BCR: variants seen among roughly 807,000 people sequenced by gnomAD.
The protein encoded by BCR is breakpoint cluster region protein.
BCR carries 58 observed loss-of-function variants against 138.6 expected under a neutral mutation model. The ratio of observed to expected loss-of-function variants is 0.42; its 90% CI spans 0.34 to 0.52. BCR has a LOEUF of 0.52. Among genes scored for constraint, BCR ranks in the 20% least tolerant of loss-of-function variants. The probability of loss-of-function intolerance (pLI) is 0.06; values close to 1 mark genes in which losing one functional copy is unlikely to be tolerated. For synonymous variants in BCR, 786 were observed against 730.1 expected, an observed-to-expected ratio of 1.08 and a Z score of -1.23; for missense variants, 1,599 against 1,727.2, an observed-to-expected ratio of 0.93 and a Z score of 1.32.
chr22:23,194,986 CT>C lies in BCR; in HGVS notation c.1279+12755del, dbSNP rs967700042. Among the ~76,000 whole-genome samples the C allele has an allele frequency of 2.0e-5, 3 of 151,452 alleles. No homozygotes were observed. In the East Asian group the frequency reaches 5.9e-4, roughly 30 times the overall value. ...AAATAAATACACATAAAAACCATTGCTTTTTTTTGGCCGGGAGTGGTGGCTC... is the reference window on the plus strand; with the variant it reads ...AAATAAATACACATAAAAACCATTGCTTTTTTTGGCCGGGAGTGGTGGCTC... On this transcript the variant is annotated intron_variant, in intron 1 of 22. Transcript: ENST00000305877.
Position 23,273,239 on chromosome 22 carries a change from G to T in BCR, c.1974+106G>T. ...TTAGTTGTCATAGCTGCAGCCAAGG[G>T]GGTGCTACTGGCATCTAATGGGTAG... On this transcript the variant is annotated intron_variant, in intron 7 of 22. Transcript: ENST00000305877. 1.1e-5 allele frequency: 14 copies of T among 1,264,148 alleles called. No homozygotes were observed. The South Asian group carries it at 1.7e-4, about 15-fold the overall frequency. The allele number at this position is 1,264,148 out of a possible 1,614,324, so 78.3% of individuals were successfully genotyped here.
chr22:23,263,990 T>C (rs1387047696), intron 4 of BCR: 1 of 891,472 alleles, frequency 1.1e-6, no homozygotes, highest in Non-Finnish European at 1.9e-6. Flanking sequence ...ACAGAGACTT[T>C]CCCCCAAGGG....
intron 12 of BCR, among the ~76,000 whole-genome samples, chr22:23,288,655 T>C (rs1473863141): frequency 6.6e-6 from 1 of 152,222 alleles, no homozygotes; most frequent in Non-Finnish European, 1.5e-5. Flanking sequence ...GGCCTTTGGC[T>C]GGGCCCACTT....
chr22:23,225,435 G>A (rs982589606), intron 1 of BCR, among the ~76,000 whole-genome samples: 3 of 152,244 alleles, frequency 2.0e-5, no homozygotes, highest in East Asian at 1.9e-4. Context: ...AGGCGAGACC[G>A]CTGGCTGGAG....
At chr22:23,266,658 A>G (rs899844684) in intron 4 of BCR, among the ~76,000 whole-genome samples, 1 of 152,176 alleles carries the variant, frequency 6.6e-6, no homozygotes, top group African/African-American at 2.4e-5. Context: ...CCAAAGTGCT[A>G]GGATTACAGG....
chr22:23,181,267 G>T lies in BCR; in HGVS notation c.307G>T (p.Asp103Tyr), dbSNP rs754213547. The change falls in exon 1 of 23, where the codon GAC (aspartate) becomes TAC (tyrosine). Residue 103 changes from aspartate (D) to tyrosine (Y), a missense_variant. Physicochemically the swap from Asp to Tyr is radical, Grantham distance 160. Around this residue, in one of 4 missense-constraint regions of BCR, gnomAD observed 806 missense variants for 635.0 expected, o/e 1.27. Coordinates refer to ENST00000305877, the MANE Select transcript of BCR (RefSeq NM_004327.4). ...SASRPQPAPA[D>Y]GADPPPAEEP... is the part of the protein sequence containing the mutation. Reference sequence around the variant, plus strand: ...GTCGCGCCCGCAGCCAGCGCCCGCCGACGGAGCCGACCCGCCGCCCGCCGA... The same window carrying T: ...GTCGCGCCCGCAGCCAGCGCCCGCCTACGGAGCCGACCCGCCGCCCGCCGA... 4 of 1,260,466 alleles carry T rather than the reference G, an allele frequency of 3.2e-6. No homozygotes were observed. In the South Asian group the frequency reaches 1.3e-4, roughly 40 times the overall value. 78.1% of individuals were successfully genotyped at this position (1,260,466 alleles called of 1,614,324 possible). A position where few individuals can be genotyped will look rare whatever the true frequency, so the allele number is the denominator to read the frequency against.
intron 1 of BCR, among the ~76,000 whole-genome samples, chr22:23,222,172 G>C (rs1302575366): frequency 6.6e-6 from 1 of 152,204 alleles, no homozygotes; most frequent in Non-Finnish European, 1.5e-5. Context: ...TGTGGAGCAA[G>C]TTTCCTGCAG....
chr22:23,276,737 G>C (rs2073581756), intron 8 of BCR, among the ~76,000 whole-genome samples: 2 of 152,226 alleles, frequency 1.3e-5, no homozygotes, highest in South Asian at 4.1e-4. Flanking sequence ...TCCAAGCCTG[G>C]ACATCCACCT....
At chr22:23,266,904 G>A (rs1343691377) in intron 4 of BCR, among the ~76,000 whole-genome samples, 1 of 152,198 alleles carries the variant, frequency 6.6e-6, no homozygotes, top group Admixed American at 6.5e-5. Flanking sequence ...GCAGGAGGGA[G>A]GAGAAGTCTT....
intron 8 of BCR, among the ~76,000 whole-genome samples, chr22:23,281,198 G>A (rs969391300): frequency 2.6e-5 from 4 of 152,240 alleles, no homozygotes; most frequent in Non-Finnish European, 4.4e-5. Flanking sequence ...GGGAGCCAAA[G>A]TGTGGTACCG....
Position 23,284,053 on chromosome 22 carries a change from TCACCGACCTGCTTCTCTG to T in BCR, c.2197_2214del (p.Asp733_Thr738del), listed in dbSNP as rs1235070172. On this transcript the variant is annotated inframe_deletion, in exon 9 of 23. Coordinates refer to ENST00000305877, the MANE Select transcript of BCR (RefSeq NM_004327.4). ...CGCAAGCTGCGCCACGTCTTCCTGT[TCACCGACCTGCTTCTCTG>T]CACCAAGCTCAAGAAGCAGAGCGGA... The T allele has an allele frequency of 6.2e-7, 1 of 1,610,528 alleles. No individual in the cohort carries two copies. The highest frequency in any genetic ancestry group is 8.5e-7 in the Non-Finnish European group (1 of 1,178,630).
chr22:23,258,699 TA>T (rs2073323360), intron 2 of BCR, among the ~76,000 whole-genome samples: 1 of 151,992 alleles, frequency 6.6e-6, no homozygotes, highest in South Asian at 2.1e-4. Context: ...ATACGATAGG[TA>T]GAGGCAAGGA....
intron 17 of BCR, 158 bp from the exon 18 acceptor site, chr22:23,310,166 T>C (rs540407365): frequency 3.8e-6 from 2 of 529,638 alleles, no homozygotes; most frequent in South Asian, 2.0e-5. Context: ...CTTGCTGAAG[T>C]AGACTAGGGG....
chr22:23,180,975 G>C lies in BCR; in HGVS notation c.15G>C (p.Val5=). The stretch of plus-strand genomic sequence containing the variant: ...CCGGCCGCGCCATGGTGGACCCGGT[G>C]GGCTTCGCGGAGGCGTGGAAGGCGC... MVDP[V]GFAEAWKAQF... The change falls in exon 1 of 23, where the codon GTG becomes GTC. Residue 5 remains valine (V), a synonymous_variant. Transcript: ENST00000305877. 7.1e-7 allele frequency: 1 copy of C among 1,404,478 alleles called. No individual in the cohort carries two copies. The allele number at this position is 1,404,478 out of a possible 1,614,324, so 87.0% of individuals were successfully genotyped here. A position where few individuals can be genotyped will look rare whatever the true frequency, so the allele number is the denominator to read the frequency against.
At chr22:23,196,161 C>G (rs1569240604) in intron 1 of BCR, among the ~76,000 whole-genome samples, 1 of 152,168 alleles carries the variant, frequency 6.6e-6, no homozygotes, top group African/African-American at 2.4e-5. Context: ...TGTTAAGCCT[C>G]TAGTGTTTTA....
intron 2 of BCR, chr22:23,254,573 C>CG (rs761897211): frequency 1.3e-5 from 7 of 518,794 alleles, no homozygotes; most frequent in Admixed American, 3.9e-5. Context: ...ACCCACGCCC[C>CG]CCCTCACATG....
intron 1 of BCR, among the ~76,000 whole-genome samples, chr22:23,208,287 G>T (rs554315019): frequency 1.3e-5 from 2 of 152,248 alleles, no homozygotes; most frequent in South Asian, 4.1e-4. Context: ...CCTTTCACCT[G>T]TGCCGTGTCT....
chr22:23,277,721 C>T (rs1340604358), intron 8 of BCR, among the ~76,000 whole-genome samples: 1 of 152,102 alleles, frequency 6.6e-6, no homozygotes, highest in Non-Finnish European at 1.5e-5. Context: ...AGGTATGAGC[C>T]CTCTGCAGGG....
chr22:23,244,359 G>A (rs2073131095), intron 1 of BCR, among the ~76,000 whole-genome samples: 1 of 152,210 alleles, frequency 6.6e-6, no homozygotes. Flanking sequence ...TCTAGGGTTA[G>A]GATATGAACG....
Sources: allele counts gnomAD v4.1 joint callset (sites outside exome capture counted in the v4.1 genomes callset), GRCh38; gene constraint gnomAD v4.1.1; regional missense constraint gnomAD v4.1.1; transcripts MANE v1.5; gene names NCBI Gene and HGNC (gene_info 2026-07-23, HGNC 2026-07-21).